Variants in MAP4K4 observed in about 807,000 individuals in gnomAD.
MAP4K4 encodes mitogen-activated protein kinase kinase kinase kinase 4.
Under a neutral mutation model 189.6 loss-of-function variants are expected in MAP4K4, and 38 were observed. The observed-to-expected ratio is 0.20, with a 90% CI of 0.15 to 0.26. The LOEUF is 0.26. MAP4K4 is among the 10% of genes least tolerant of loss of function. The pLI is 1.00. For synonymous variants in MAP4K4, 610 were observed against 624.3 expected (o/e 0.98, Z 0.34); for missense variants, 1,054 against 1,726.9 (o/e 0.61, Z 6.91).
intron 2 of MAP4K4, among the ~76,000 whole-genome samples, chr2:101,711,353 C>CAA (rs1204506817): frequency 6.6e-6 from 1 of 151,852 alleles, no homozygotes; most frequent in Non-Finnish European, 1.5e-5. Context: ...CTCCAGGGTT[C>CAA]AAGCAATTCT....
rs148637606 is a variant in MAP4K4, at chr2:101,734,318, T to C, written c.123+35780T>C. ...TGTCTTTTACTGTGTAGAAGCTGATTATGTGTACAGAACTTACTATTATAT... is the reference window on the plus strand; with the variant it reads ...TGTCTTTTACTGTGTAGAAGCTGATCATGTGTACAGAACTTACTATTATAT... On this transcript the variant is annotated intron_variant, in intron 2 of 32. Transcript: ENST00000324219. Among the ~76,000 whole-genome samples, 60 of 152,310 alleles carry C rather than the reference T, an allele frequency of 3.9e-4. No individual in the cohort carries two copies. The East Asian group carries it at 0.011, about 28-fold the overall frequency.
rs546462013 is a variant in MAP4K4 at position 101,766,867 on chromosome 2, A to T, written c.124-23853A>T. On this transcript the variant is annotated intron_variant, in intron 2 of 32. Transcript: ENST00000324219. ...GCACAAACAAAGCAAGGAAAGAATGAAACAACAAAAGCAGAGACTTACTGA... is the reference window on the plus strand; with the variant it reads ...GCACAAACAAAGCAAGGAAAGAATGTAACAACAAAAGCAGAGACTTACTGA... Among the ~76,000 whole-genome samples, 31 of 152,324 alleles carry T rather than the reference A, an allele frequency of 2.0e-4. No individual in the cohort carries two copies. In the South Asian group the frequency reaches 5.6e-3, roughly 28 times the overall value.
intron 27 of MAP4K4, among the ~76,000 whole-genome samples, chr2:101,879,871 T>G (rs555148576): frequency 6.6e-6 from 1 of 152,202 alleles, no homozygotes; most frequent in East Asian, 1.9e-4. Flanking sequence ...TTCTAAACGT[T>G]TTTTCAGTAT....
chr2:101,817,754 G>C lies in MAP4K4; in HGVS notation c.181-6174G>C, dbSNP rs371879759. ...TTTGGAATCCCAGAACTAGCTCATT[G>C]GTTCAGTAGCAGAACTAGAAAGAGG... On this transcript the variant is annotated intron_variant, in intron 3 of 32. Coordinates refer to ENST00000324219, the Ensembl canonical transcript of MAP4K4. Among the ~76,000 whole-genome samples the C allele has an allele frequency of 1.3e-3, 199 of 152,324 alleles. 1 individual carries two copies. Among genetic ancestry groups the C allele is most frequent in the African/African-American group, 4.5e-3 (186 of 41,564 alleles).
chr2:101,859,147 C>A, intron 14 of MAP4K4, 65 bp downstream of exon 14: 1 of 1,458,684 alleles, frequency 6.9e-7, no homozygotes, highest in Non-Finnish European at 9.5e-7. Flanking sequence ...CAAAGTTGAG[C>A]AAGCTGTGGT....
chr2:101,855,056 T>G (rs1215813445), intron 12 of MAP4K4, among the ~76,000 whole-genome samples: 1 of 152,252 alleles, frequency 6.6e-6, no homozygotes, highest in Non-Finnish European at 1.5e-5. Context: ...TAGCTTGTGC[T>G]TTACTGGCAG....
intron 2 of MAP4K4, among the ~76,000 whole-genome samples, chr2:101,707,910 C>T (rs1431812951): frequency 6.6e-6 from 1 of 150,614 alleles, no homozygotes; most frequent in Non-Finnish European, 1.5e-5. Flanking sequence ...CCGTGTTAGC[C>T]AGGATAGTCT....
At chr2:101,725,844 C>T (rs900580652) in intron 2 of MAP4K4, among the ~76,000 whole-genome samples, 8 of 152,226 alleles carry the variant, frequency 5.3e-5, no homozygotes, top group Non-Finnish European at 1.2e-4. Context: ...CTGTCCTCTT[C>T]AGGGCAGGCT....
chr2:101,810,189 T>C (rs1203556353), intron 3 of MAP4K4, among the ~76,000 whole-genome samples: 1 of 152,178 alleles, frequency 6.6e-6, no homozygotes, highest in Non-Finnish European at 1.5e-5. Context: ...GTGAATTTGG[T>C]TTGAATCAAA....
At chr2:101,758,777 C>T (rs2074227880) in intron 2 of MAP4K4, among the ~76,000 whole-genome samples, 1 of 152,142 alleles carries the variant, frequency 6.6e-6, no homozygotes, top group South Asian at 2.1e-4. Context: ...ACTCACATCC[C>T]AGGTGGCACA....
At chr2:101,816,754 G>A (rs979941102) in intron 3 of MAP4K4, among the ~76,000 whole-genome samples, 3 of 152,192 alleles carry the variant, frequency 2.0e-5, no homozygotes, top group African/African-American at 7.2e-5. Context: ...GCTAAGGTCA[G>A]AGTGGTGCCA....
At chr2:101,741,330 G>C (rs2062736864) in intron 2 of MAP4K4, among the ~76,000 whole-genome samples, 1 of 151,946 alleles carries the variant, frequency 6.6e-6, no homozygotes, top group Admixed American at 6.6e-5. Context: ...ACCATGCCTG[G>C]CTAATTTTTT....
intron 2 of MAP4K4, among the ~76,000 whole-genome samples, chr2:101,727,417 A>G (rs1353815299): frequency 1.3e-5 from 2 of 152,234 alleles, no homozygotes; most frequent in African/African-American, 2.4e-5. Flanking sequence ...ACCCAGAAGT[A>G]TAAAGAACCT....
intron 2 of MAP4K4, among the ~76,000 whole-genome samples, chr2:101,733,526 A>G (rs986770086): frequency 1.3e-5 from 2 of 152,212 alleles, no homozygotes; most frequent in Non-Finnish European, 2.9e-5. Flanking sequence ...AGGAGCAGCC[A>G]CAGGCACTCT....
At chr2:101,723,133 A>G (rs2053197493) in intron 2 of MAP4K4, among the ~76,000 whole-genome samples, 2 of 152,230 alleles carry the variant, frequency 1.3e-5, no homozygotes, top group Admixed American at 6.5e-5. Flanking sequence ...CTCACTCACT[A>G]TCACGAGAAC....
At chr2:101,888,123 C>T (rs900085560) in intron 31 of MAP4K4, among the ~76,000 whole-genome samples, 186 bp downstream of exon 31, 1 of 152,166 alleles carries the variant, frequency 6.6e-6, no homozygotes, top group Non-Finnish European at 1.5e-5. Flanking sequence ...TATTTTAGAA[C>T]AAAATCCAAG....
At chr2:101,807,646 G>A (rs1022295834) in intron 3 of MAP4K4, among the ~76,000 whole-genome samples, 4 of 152,204 alleles carry the variant, frequency 2.6e-5, no homozygotes, top group Non-Finnish European at 4.4e-5. Flanking sequence ...TCTACAGGAT[G>A]TGCAGGAAAC....
intron 2 of MAP4K4, among the ~76,000 whole-genome samples, chr2:101,790,346 A>G (rs2092653003): frequency 6.6e-6 from 1 of 152,094 alleles, no homozygotes; most frequent in Admixed American, 6.6e-5. Context: ...TTTCTTTGAG[A>G]TAGTGTTATG....
intron 2 of MAP4K4, among the ~76,000 whole-genome samples, chr2:101,764,194 C>T (rs1209257258): frequency 6.6e-6 from 1 of 151,964 alleles, no homozygotes; most frequent in East Asian, 1.9e-4. Context: ...GCGTAAGGGT[C>T]TAGCTTCCTT....
Sources: allele counts gnomAD v4.1 joint callset (sites outside exome capture counted in the v4.1 genomes callset), GRCh38; gene constraint gnomAD v4.1.1; transcripts MANE v1.5; gene names NCBI Gene and HGNC (gene_info 2026-07-23, HGNC 2026-07-21).